FBN1: variants seen among roughly 807,000 people sequenced by gnomAD.
FBN1 encodes fibrillin-1.
A neutral mutation model predicts 365.1 loss-of-function variants in FBN1; 29 were observed. That is an observed-to-expected ratio of 0.08 (90% CI 0.06 to 0.11). The LOEUF (loss-of-function observed/expected upper bound fraction) is 0.11. Ranked by LOEUF, FBN1 falls within the 10% of genes least tolerant of loss-of-function variation. The pLI, the probability that FBN1 is intolerant of heterozygous loss-of-function variation, is 1.00. For synonymous variants in FBN1, 1,210 were observed against 1,270.5 expected (o/e 0.95, Z 1.01); for missense variants, 2,476 against 3,703.2 (o/e 0.67, Z 8.60).
rs12907671 is a variant in FBN1, at chr15:48,486,941, G to A, written c.3589+134C>T. 0.17 allele frequency: 105,800 copies of A among 635,472 alleles called. 10,253 individuals carry two copies. The highest frequency in any genetic ancestry group is 0.43 in the East Asian group (12,075 of 28,280). 39.4% of individuals were successfully genotyped at this position (635,472 alleles called of 1,614,324 possible). On this transcript the variant is annotated intron_variant, in intron 29 of 65. Coordinates refer to ENST00000316623, the MANE Select transcript of FBN1 (RefSeq NM_000138.5). ...AACAAGAAAGATAAGTAAAAGTAGCGATGAAAACAAAACTCAGAGTACATA... is the reference window on the plus strand; with the variant it reads ...AACAAGAAAGATAAGTAAAAGTAGCAATGAAAACAAAACTCAGAGTACATA...
intron 8 of FBN1, among the ~76,000 whole-genome samples, chr15:48,532,311 C>G (rs780430002): frequency 2.0e-5 from 3 of 152,140 alleles, no homozygotes; most frequent in Non-Finnish European, 4.4e-5. Context: ...TATTCTGAAG[C>G]TGAATATATT....
Position 48,487,003 on chromosome 15 carries a change from AATAAC to A in FBN1, c.3589+67_3589+71del, listed in dbSNP as rs72132658. On this transcript the variant is annotated intron_variant, in intron 29 of 65. Coordinates refer to ENST00000316623, the MANE Select transcript of FBN1 (RefSeq NM_000138.5). Reference sequence around the variant, plus strand: ...GGAGAGATGAAATAAAATAAAATAAAATAACATAACATAACATAACATAAAATAAA... The same window carrying A: ...GGAGAGATGAAATAAAATAAAATAAAATAACATAACATAACATAAAATAAA... 0.24 allele frequency: 267,138 copies of A among 1,127,020 alleles called. 35,291 individuals are homozygous for A. Among genetic ancestry groups the A allele is most frequent in the East Asian group, 0.41 (14,044 of 34,390 alleles). 69.8% of individuals were successfully genotyped at this position (1,127,020 alleles called of 1,614,324 possible). A position where few individuals can be genotyped will look rare whatever the true frequency, so the allele number is the denominator to read the frequency against.
chr15:48,614,569 T>C (rs1294766379), intron 2 of FBN1, among the ~76,000 whole-genome samples: 1 of 152,104 alleles, frequency 6.6e-6, no homozygotes, highest in South Asian at 2.1e-4. Context: ...CACTGACAGA[T>C]GCTGAGGTCA....
At chr15:48,528,792 A>G (rs1244739144) in intron 8 of FBN1, among the ~76,000 whole-genome samples, 2 of 152,160 alleles carry the variant, frequency 1.3e-5, no homozygotes, top group African/African-American at 4.8e-5. Flanking sequence ...TCCCCTTCTC[A>G]GTGACACACC....
At chr15:48,416,389 C>T (rs2141215843) in intron 63 of FBN1, among the ~76,000 whole-genome samples, 1 of 152,352 alleles carries the variant, frequency 6.6e-6, no homozygotes, top group African/African-American at 2.4e-5. Context: ...CCCCAGGTAC[C>T]TGTTCTGGGA....
intron 6 of FBN1, among the ~76,000 whole-genome samples, chr15:48,592,159 T>C (rs1007531710): frequency 6.6e-6 from 1 of 152,200 alleles, no homozygotes; most frequent in African/African-American, 2.4e-5. Context: ...ATTGCCAAGT[T>C]ATTTCTTGAA....
intron 2 of FBN1, among the ~76,000 whole-genome samples, chr15:48,625,174 G>C (rs1188675863): frequency 6.6e-6 from 1 of 152,132 alleles, no homozygotes; most frequent in East Asian, 1.9e-4. Context: ...TTAGTATTTA[G>C]AACTTGGAAT....
chr15:48,619,563 G>A (rs1004658108), intron 2 of FBN1, among the ~76,000 whole-genome samples: 3 of 151,430 alleles, frequency 2.0e-5, no homozygotes, highest in African/African-American at 4.9e-5. Context: ...AGAATTAAAT[G>A]TTTTGTTACC....
In FBN1 at chr15:48,483,822, A is replaced by G. The variant is rs886039492; in HGVS notation, c.3834T>C (p.Cys1278=). ...GFMASEDMKT[C]VDVNECDLNP... is the part of the protein sequence containing the mutation. The stretch of plus-strand genomic sequence containing the variant: ...AATTCTGTCTTCTTTGCTTACCTAC[A>G]CAAGTCTTCATGTCTTCAGATGCCA... Residue 1278 remains cysteine, a synonymous_variant, in exon 31 of 66, where the codon TGT becomes TGC. Transcript: ENST00000316623. 1 of 1,613,556 alleles carries G rather than the reference A, an allele frequency of 6.2e-7. No individual in the cohort carries two copies. Among genetic ancestry groups the G allele is most frequent in the African/African-American group, 1.3e-5 (1 of 74,924 alleles).
chr15:48,448,201 G>A (rs1392135405), intron 46 of FBN1, among the ~76,000 whole-genome samples: 1 of 148,942 alleles, frequency 6.7e-6, no homozygotes, highest in Non-Finnish European at 1.5e-5. Context: ...AGACTTAATG[G>A]TATTGCTTTA....
At chr15:48,440,315 T>A (rs2043102872) in intron 50 of FBN1, among the ~76,000 whole-genome samples, 1 of 152,198 alleles carries the variant, frequency 6.6e-6, no homozygotes, top group Non-Finnish European at 1.5e-5. Context: ...CTGGGCTGAT[T>A]CTTCCTGCAG....
At chr15:48,645,020 C>G (rs1890271537) in intron 1 of FBN1, 70 bp from the exon 2 acceptor site, 2 of 320,192 alleles carry the variant, frequency 6.2e-6, no homozygotes, top group Non-Finnish European at 1.1e-5. Context: ...GCCTCGCGGT[C>G]CCCATTCCCA....
At chr15:48,605,813 TGCAGTGAGCTG>T (rs1207526255) in intron 4 of FBN1, among the ~76,000 whole-genome samples, 1 of 152,174 alleles carries the variant, frequency 6.6e-6, no homozygotes, top group African/African-American at 2.4e-5. Context: ...AGACGGAGGT[TGCAGTGAGCTG>T]AGATCGCACC....
At chr15:48,507,385 A>G (rs2043718963) in intron 15 of FBN1, among the ~76,000 whole-genome samples, 1 of 152,128 alleles carries the variant, frequency 6.6e-6, no homozygotes. Context: ...TCTATGTGTT[A>G]ATCCTGTCTT....
At chr15:48,460,725 G>A (rs1163720251) in intron 42 of FBN1, among the ~76,000 whole-genome samples, 4 of 152,084 alleles carry the variant, frequency 2.6e-5, no homozygotes, top group Non-Finnish European at 5.9e-5. Context: ...TAGATTATAG[G>A]AGACCATAGC....
intron 6 of FBN1, among the ~76,000 whole-genome samples, chr15:48,538,009 T>G (rs2044028165): frequency 6.6e-6 from 1 of 152,186 alleles, no homozygotes; most frequent in Admixed American, 6.5e-5. Context: ...AAAATAGGGA[T>G]GAAAACATCA....
At chr15:48,594,504 C>T (rs545278533) in intron 6 of FBN1, among the ~76,000 whole-genome samples, 1 of 152,314 alleles carries the variant, frequency 6.6e-6, no homozygotes, top group East Asian at 1.9e-4. Flanking sequence ...CAGTTGAAGA[C>T]ACCCCCAAAC....
At chr15:48,633,764 A>G (rs574949802) in intron 2 of FBN1, among the ~76,000 whole-genome samples, 8 of 152,342 alleles carry the variant, frequency 5.3e-5, no homozygotes, top group Non-Finnish European at 1.0e-4. Context: ...TATTTCAAGT[A>G]TAGCAGAGAA....
rs748603881 is a variant in FBN1, at chr15:48,485,503, G to T, written c.3590-7C>A. Reference sequence around the variant, plus strand: ...ATGCTGCATTCATCAATGTCTAAAAGAAATGAAAATAATATCACCTTCTGA... The same window carrying T: ...ATGCTGCATTCATCAATGTCTAAAATAAATGAAAATAATATCACCTTCTGA... On this transcript the variant is annotated splice_polypyrimidine_tract_variant and splice_region_variant and intron_variant, in intron 29 of 65. Coordinates refer to ENST00000316623, the MANE Select transcript of FBN1 (RefSeq NM_000138.5). 4 of 1,613,928 alleles carry T rather than the reference G, an allele frequency of 2.5e-6. No individual in the cohort carries two copies. Among genetic ancestry groups the T allele is most frequent in the Non-Finnish European group, 2.5e-6 (3 of 1,179,974 alleles).
Sources: gnomAD v4.1 joint callset for allele counts (sites outside exome capture counted in the v4.1 genomes callset) on GRCh38, gnomAD v4.1.1 for gene constraint, MANE v1.5 for transcripts, NCBI Gene and HGNC (gene_info 2026-07-23, HGNC 2026-07-21) for gene names.